PIR: variants seen among roughly 807,000 people sequenced by gnomAD.
PIR encodes the protein pirin.
In PIR, 22 loss-of-function variants were observed where a neutral mutation model predicts 24.2. The ratio of observed to expected loss-of-function variants is 0.91; its 90% CI spans 0.65 to 1.30. The LOEUF is 1.30. Among genes scored for constraint, PIR ranks in the 50% most tolerant of loss-of-function variants. PIR has a pLI of 0.00. For synonymous variants in PIR, 80 were observed against 79.6 expected (o/e 1.00, Z -0.03); for missense variants, 220 against 220.3 (o/e 1.00, Z 0.01).
intron 5 of PIR, among the ~76,000 whole-genome samples, chrX:15,443,033 T>C (rs1420804011): frequency 5.3e-5 from 6 of 112,222 alleles, no homozygotes; most frequent in Non-Finnish European, 1.1e-4. Flanking sequence ...ATGACTTTCA[T>C]AGCTAGAGAG....
chrX:15,390,498 G>T (rs1285803180), intron 8 of PIR, among the ~76,000 whole-genome samples: 3 of 111,518 alleles, frequency 2.7e-5, no homozygotes, highest in Non-Finnish European at 5.7e-5. Context: ...TTAAGAAGGA[G>T]AACTTAAATT....
rs1923151732 is a variant in PIR, at chrX:15,491,380, T to C, written c.-52-71A>G. Reference sequence around the variant, plus strand: ...CATCCAAGGACTACAAAATAAATGATATTAAGATTAGATGCGCAAAATAGT... The same window carrying C: ...CATCCAAGGACTACAAAATAAATGACATTAAGATTAGATGCGCAAAATAGT... On this transcript the variant is annotated intron_variant, in intron 1 of 9. Coordinates refer to ENST00000380420, the MANE Select transcript of PIR (RefSeq NM_001018109.3). 5 of 457,278 alleles carry C rather than the reference T, an allele frequency of 1.1e-5. No individual in the cohort carries two copies. The East Asian group carries it at 1.5e-4, about 13-fold the overall frequency. 37.7% of individuals were successfully genotyped at this position (457,278 alleles called of 1,213,427 possible).
chrX:15,453,958 A>G (rs1920995492), intron 5 of PIR, among the ~76,000 whole-genome samples: 1 of 111,709 alleles, frequency 9.0e-6, no homozygotes, highest in Non-Finnish European at 1.9e-5. Context: ...GAAATCGGGC[A>G]AAGTCTTCTG....
At chrX:15,430,570 C>T (rs1040506841) in intron 5 of PIR, among the ~76,000 whole-genome samples, 1 of 111,559 alleles carries the variant, frequency 9.0e-6, no homozygotes, top group African/African-American at 3.3e-5. Context: ...GAGTCTCAGA[C>T]ACCACTCCAA....
At chrX:15,465,448 C>G (rs1602286788) in intron 3 of PIR, among the ~76,000 whole-genome samples, 1 of 111,931 alleles carries the variant, frequency 8.9e-6, no homozygotes, top group Middle Eastern at 4.6e-3. Flanking sequence ...TTGACACAAT[C>G]CAGATGATTT....
rs953829627 is a variant in PIR at position 15,422,225 on chromosome X, T to C, written c.565+3681A>G. ...ATGGGAAAAAATTGAAAGAATTCAG[T>C]TGAAAAACTGAATTCTTCTGAGATC... On this transcript the variant is annotated intron_variant, in intron 6 of 9. Transcript: ENST00000380420. Among the ~76,000 whole-genome samples, 4 of 109,899 alleles carry C rather than the reference T, an allele frequency of 3.6e-5. No individual in the cohort carries two copies. In the Admixed American group the frequency reaches 3.9e-4, roughly 11 times the overall value.
chrX:15,447,518 C>T (rs904407452), intron 5 of PIR, among the ~76,000 whole-genome samples: 6 of 111,720 alleles, frequency 5.4e-5, no homozygotes, highest in African/African-American at 2.0e-4. Flanking sequence ...CGGGGTTTCA[C>T]CATGTTAGCC....
At chrX:15,484,756 A>C (rs185235548) in intron 2 of PIR, among the ~76,000 whole-genome samples, 16 of 112,350 alleles carry the variant, frequency 1.4e-4, no homozygotes, top group Admixed American at 4.7e-4. Flanking sequence ...TAAAGTGGCA[A>C]ATAACTTGGC....
chrX:15,395,170 G>A (rs769507955), intron 8 of PIR, among the ~76,000 whole-genome samples: 2 of 111,836 alleles, frequency 1.8e-5, no homozygotes, highest in Admixed American at 9.5e-5. Context: ...GCGTGAGTGA[G>A]TCAGGGTCTC....
chrX:15,474,493 CAGG>C (rs1423855690), intron 3 of PIR, among the ~76,000 whole-genome samples: 1 of 112,375 alleles, frequency 8.9e-6, no homozygotes, highest in African/African-American at 3.2e-5. Context: ...TGCTTTTAAG[CAGG>C]AGAATTATTG....
intron 6 of PIR, among the ~76,000 whole-genome samples, chrX:15,421,302 A>G (rs1569198757): frequency 8.9e-6 from 1 of 112,254 alleles, no homozygotes; most frequent in African/African-American, 3.2e-5. Context: ...TCAAGATCAG[A>G]GTAGAAGTAA....
At chrX:15,431,578 C>A (rs1158003948) in intron 5 of PIR, among the ~76,000 whole-genome samples, 1 of 110,235 alleles carries the variant, frequency 9.1e-6, no homozygotes, top group Non-Finnish European at 1.9e-5. Context: ...CATATTCCAA[C>A]AGATCTCCTA....
intron 4 of PIR, 35 bp downstream of exon 4, chrX:15,459,622 C>CT (rs1377579187): frequency 2.8e-5 from 27 of 963,572 alleles, no homozygotes; most frequent in Non-Finnish European, 4.0e-5. Flanking sequence ...CCAAAAACTA[C>CT]TAAACCACCA....
At chrX:15,398,152 T>C (rs1192901562) in intron 7 of PIR, among the ~76,000 whole-genome samples, 4 of 110,838 alleles carry the variant, frequency 3.6e-5, no homozygotes, top group Non-Finnish European at 7.6e-5. Context: ...ATGTAAATGA[T>C]GAGTTAATCG....
intron 7 of PIR, among the ~76,000 whole-genome samples, chrX:15,398,666 G>GA (rs1924266123): frequency 2.5e-5 from 1 of 39,651 alleles, no homozygotes; most frequent in African/African-American, 6.4e-5. Context: ...CTTGAGGAGG[G>GA]AGGGTGTGTG....
chrX:15,433,027 A>G (rs936558393), intron 5 of PIR, among the ~76,000 whole-genome samples: 5 of 112,449 alleles, frequency 4.4e-5, no homozygotes, highest in Non-Finnish European at 7.5e-5. Flanking sequence ...GGGGAGAACA[A>G]GACTTCAACT....
intron 9 of PIR, among the ~76,000 whole-genome samples, chrX:15,386,406 A>G (rs1923751147): frequency 8.9e-6 from 1 of 111,998 alleles, no homozygotes; most frequent in Non-Finnish European, 1.9e-5. Context: ...CATTCATTCA[A>G]TTACCTATCT....
chrX:15,482,716 T>C (rs1922573750), intron 2 of PIR, among the ~76,000 whole-genome samples: 1 of 112,020 alleles, frequency 8.9e-6, no homozygotes, highest in South Asian at 3.7e-4. Flanking sequence ...ATTCTTTCAC[T>C]GGCTGTCCTC....
rs756160029 is a variant in PIR at position 15,425,411 on chromosome X, CT to C, written c.565+494del. ...CTTTCTGATTTTCTTTTCTTTCTTT[CT>C]TTTTTTTTTTTTTTTTTGAGATGGA... On this transcript the variant is annotated intron_variant, in intron 6 of 9. Transcript: ENST00000380420. Among the ~76,000 whole-genome samples, 427 of 92,066 alleles carry C rather than the reference CT, an allele frequency of 4.6e-3. 4 individuals carry two copies. The highest frequency in any genetic ancestry group is 0.014 in the African/African-American group (332 of 23,559). 79.9% of individuals were successfully genotyped at this position (92,066 alleles called of 115,157 possible). A position where few individuals can be genotyped will look rare whatever the true frequency, so the allele number is the denominator to read the frequency against.
Sources: allele counts gnomAD v4.1 joint callset (sites outside exome capture counted in the v4.1 genomes callset), GRCh38; gene constraint gnomAD v4.1.1; transcripts MANE v1.5; gene names NCBI Gene and HGNC (gene_info 2026-07-23, HGNC 2026-07-21).